The following CHD2 variants were observed in gnomAD, a reference collection of about 807,000 sequenced individuals.
The protein encoded by CHD2 is chromodomain helicase DNA binding protein 2, also known as ATP-dependent chromatin remodeler CHD2.
CHD2 carries 28 observed loss-of-function variants against 243.9 expected under a neutral mutation model. That is an observed-to-expected ratio of 0.11 (90% CI 0.09 to 0.16). CHD2 has a LOEUF of 0.16. Among genes scored for constraint, CHD2 ranks in the 10% least tolerant of loss-of-function variants. The pLI, the probability that CHD2 is intolerant of heterozygous loss-of-function variation, is 1.00. For synonymous variants in CHD2, 775 were observed against 779.0 expected, an observed-to-expected ratio of 0.99 and a Z score of 0.09; for missense variants, 1,386 against 2,209.8, an observed-to-expected ratio of 0.63 and a Z score of 7.47.
intron 5 of CHD2, among the ~76,000 whole-genome samples, chr15:92,932,200 CAATT>C (rs1455975271): frequency 1.3e-5 from 2 of 151,816 alleles, no homozygotes; most frequent in Non-Finnish European, 2.9e-5. Context: ...TCAGTTTTGT[CAATT>C]AACCCAATAA....
At chr15:92,943,492 A>G (rs761158833) in intron 9 of CHD2, 2 of 184,870 alleles carry the variant, frequency 1.1e-5, no homozygotes, top group East Asian at 1.4e-4. Flanking sequence ...TTAGATGTAG[A>G]GAGTTAATAT....
intron 28 of CHD2, 40 bp downstream of exon 28, chr15:92,993,038 A>G (rs773229324): frequency 1.2e-6 from 2 of 1,607,962 alleles, no homozygotes; most frequent in South Asian, 1.1e-5. Context: ...GCAACCTGGC[A>G]CTCTTGGACT....
At chr15:92,964,658 A>ACT (rs1567144173) in intron 16 of CHD2, among the ~76,000 whole-genome samples, 1 of 152,152 alleles carries the variant, frequency 6.6e-6, no homozygotes, top group Non-Finnish European at 1.5e-5. Flanking sequence ...TCTGACAGGG[A>ACT]GTACACATGA....
intron 16 of CHD2, among the ~76,000 whole-genome samples, chr15:92,966,941 A>T (rs1053731017): frequency 6.7e-6 from 1 of 150,354 alleles, no homozygotes; most frequent in South Asian, 2.1e-4. Context: ...ACTATTTATG[A>T]GTTCAGAAAT....
chr15:93,009,436 A>G, intron 35 of CHD2, 113 bp downstream of exon 35: 1 of 1,028,424 alleles, frequency 9.7e-7, no homozygotes, highest in Non-Finnish European at 1.4e-6. Flanking sequence ...CTCCCAGCAC[A>G]ACTCATCTAT....
intron 7 of CHD2, 130 bp from the exon 8 acceptor site, chr15:92,941,692 T>C (rs2053385202): frequency 9.1e-6 from 8 of 878,578 alleles, no homozygotes; most frequent in Non-Finnish European, 1.4e-5. Context: ...CTACTGTAAA[T>C]GGCAGATCTA....
At chr15:92,969,578 G>A (rs1237219620) in intron 17 of CHD2, among the ~76,000 whole-genome samples, 2 of 152,190 alleles carry the variant, frequency 1.3e-5, no homozygotes. Flanking sequence ...ACCACATACT[G>A]GGCCCTAGGG....
chr15:92,912,812 A>G (rs1415044780), intron 2 of CHD2, among the ~76,000 whole-genome samples: 2 of 152,194 alleles, frequency 1.3e-5, no homozygotes, highest in African/African-American at 4.8e-5. Context: ...GGCCTCCCAA[A>G]GTGCTGGGAT....
At position 92,904,833 on chromosome 15, in the gene CHD2, A is replaced by G. The variant is rs77921577; in HGVS notation, c.62+3534A>G. ...GTTTAATTTTGTTACAATTGACCAAAACGTTTGAGTGTCAGAGGCGGATAC... is the reference window on the plus strand; with the variant it reads ...GTTTAATTTTGTTACAATTGACCAAGACGTTTGAGTGTCAGAGGCGGATAC... On this transcript the variant is annotated intron_variant, in intron 2 of 38. Transcript: ENST00000394196. The G allele has an allele frequency of 3.6e-3, 5,395 of 1,510,818 alleles. 18 individuals carry two copies. Among genetic ancestry groups the G allele is most frequent in the Middle Eastern group, 0.013 (74 of 5,836 alleles). The allele number at this position is 1,510,818 out of a possible 1,614,324, so 93.6% of individuals were successfully genotyped here. A position where few individuals can be genotyped will look rare whatever the true frequency, so the allele number is the denominator to read the frequency against.
At chr15:92,962,170 G>A (rs985705086) in intron 16 of CHD2, among the ~76,000 whole-genome samples, 4 of 151,776 alleles carry the variant, frequency 2.6e-5, no homozygotes, top group African/African-American at 7.3e-5. Flanking sequence ...GTGAGCCCCC[G>A]TGCCCGGACC....
At chr15:92,918,354 T>A (rs999182504) in intron 2 of CHD2, among the ~76,000 whole-genome samples, 3 of 152,240 alleles carry the variant, frequency 2.0e-5, no homozygotes, top group Non-Finnish European at 2.9e-5. Context: ...CTTGTTTTTT[T>A]ATCTGTGTGT....
intron 7 of CHD2, among the ~76,000 whole-genome samples, chr15:92,941,443 AAT>A (rs578146000): frequency 1.5e-3 from 233 of 152,206 alleles, no homozygotes; most frequent in African/African-American, 4.7e-3. Flanking sequence ...TGCCTGATGA[AAT>A]AGTAGCAAAT....
chr15:93,020,527 TCAA>T, intron 38 of CHD2: 2 of 591,848 alleles, frequency 3.4e-6, no homozygotes, highest in South Asian at 4.3e-5. Context: ...AATATTAGAG[TCAA>T]CAACCAAAAT....
intron 16 of CHD2, among the ~76,000 whole-genome samples, chr15:92,965,923 A>G (rs936171907): frequency 1.3e-5 from 2 of 152,230 alleles, no homozygotes; most frequent in South Asian, 2.1e-4. Context: ...GCTTATTGAA[A>G]TTGTCTCTCA....
chr15:92,904,897 C>G (rs1162123112), intron 2 of CHD2: 4 of 1,535,370 alleles, frequency 2.6e-6, no homozygotes, highest in South Asian at 2.4e-5. Flanking sequence ...GTGTTAACAG[C>G]TGTTTAATAC....
chr15:93,005,508 C>T (rs1207416655), intron 34 of CHD2, among the ~76,000 whole-genome samples: 1 of 152,114 alleles, frequency 6.6e-6, no homozygotes, highest in Non-Finnish European at 1.5e-5. Flanking sequence ...TCCACAAATC[C>T]ATTAATCAAA....
chr15:92,939,446 C>T, intron 6 of CHD2, 132 bp from the exon 7 acceptor site: 1 of 930,636 alleles, frequency 1.1e-6, no homozygotes, highest in Non-Finnish European at 1.6e-6. Context: ...CAAGAATATG[C>T]ATGTTTAACA....
Position 92,912,802 on chromosome 15 carries a change from G to A in CHD2, c.62+11503G>A, listed in dbSNP as rs149058334. On this transcript the variant is annotated intron_variant, in intron 2 of 38. Coordinates refer to ENST00000394196, the MANE Select transcript of CHD2 (RefSeq NM_001271.4). ...GCCAACCTTGTGATCCGCCCGCCTCGGCCTCCCAAAGTGCTGGGATTACAG... is the reference window on the plus strand; with the variant it reads ...GCCAACCTTGTGATCCGCCCGCCTCAGCCTCCCAAAGTGCTGGGATTACAG... Among the ~76,000 whole-genome samples, 1,240 of 152,114 alleles carry A rather than the reference G, an allele frequency of 8.2e-3. 17 individuals are homozygous for A. Among genetic ancestry groups the A allele is most frequent in the African/African-American group, 0.029 (1,196 of 41,486 alleles).
intron 16 of CHD2, among the ~76,000 whole-genome samples, chr15:92,966,066 C>CTTT (rs533059554): frequency 3.8e-5 from 5 of 132,930 alleles, no homozygotes; most frequent in Non-Finnish European, 8.2e-5. Context: ...TTTTTCTTTT[C>CTTT]TTTTTTTTTT....
Sources: allele counts gnomAD v4.1 joint callset (sites outside exome capture counted in the v4.1 genomes callset), GRCh38; gene constraint gnomAD v4.1.1; transcripts MANE v1.5; gene names NCBI Gene and HGNC (gene_info 2026-07-23, HGNC 2026-07-21).